Variants in NRP1 observed in about 807,000 individuals in gnomAD.
NRP1 encodes the protein neuropilin-1.
In NRP1, 35 loss-of-function variants were observed where a neutral mutation model predicts 106.7. The observed-to-expected ratio is 0.33, with a 90% CI of 0.25 to 0.43. The LOEUF is 0.43. Among genes scored for constraint, NRP1 ranks in the 20% least tolerant of loss-of-function variants. The pLI is 1.00. For synonymous variants in NRP1, 437 were observed against 417.9 expected (o/e 1.05, Z -0.56); for missense variants, 1,024 against 1,170.4 (o/e 0.87, Z 1.83).
chr10:33,186,530 T>C (rs1389150373), intron 13 of NRP1, 42 bp from the exon 14 acceptor site: 2 of 1,561,832 alleles, frequency 1.3e-6, no homozygotes, highest in Admixed American at 3.6e-5. Flanking sequence ...TGGCCAGGAT[T>C]ACCACACTTT....
At chr10:33,324,004 A>G (rs188303805) in intron 2 of NRP1, among the ~76,000 whole-genome samples, 2 of 152,202 alleles carry the variant, frequency 1.3e-5, no homozygotes, top group African/African-American at 4.8e-5. Flanking sequence ...GTCTGATAAG[A>G]TTTCAACCAA....
chr10:33,308,990 AAAGT>A (rs1210256904), intron 2 of NRP1, among the ~76,000 whole-genome samples: 1 of 152,218 alleles, frequency 6.6e-6, no homozygotes, highest in Non-Finnish European at 1.5e-5. Context: ...AGCCCCAAAT[AAAGT>A]TAGTACCCAT....
At chr10:33,262,940 G>C (rs1027798694) in intron 4 of NRP1, among the ~76,000 whole-genome samples, 1 of 152,150 alleles carries the variant, frequency 6.6e-6, no homozygotes, top group Non-Finnish European at 1.5e-5. Flanking sequence ...CCAAAGGGCA[G>C]CATCTTTCAT....
chr10:33,330,452 G>C (rs1418059798), intron 2 of NRP1, among the ~76,000 whole-genome samples: 3 of 151,154 alleles, frequency 2.0e-5, no homozygotes, highest in African/African-American at 7.3e-5. Flanking sequence ...TTCTTAACAA[G>C]AGTTCCCAAA....
intron 4 of NRP1, among the ~76,000 whole-genome samples, chr10:33,262,251 A>G (rs188356910): frequency 7.9e-5 from 12 of 152,288 alleles, no homozygotes; most frequent in Admixed American, 2.0e-4. Context: ...TTAACAAATT[A>G]TTGGATATTA....
chr10:33,323,050 G>A (rs1219602846), intron 2 of NRP1, among the ~76,000 whole-genome samples: 1 of 151,976 alleles, frequency 6.6e-6, no homozygotes, highest in Non-Finnish European at 1.5e-5. Context: ...CCCCATAATG[G>A]GCACATATTG....
In NRP1 at chr10:33,269,001, C is replaced by T. The variant is rs540623174; in HGVS notation, c.430+1674G>A. Among the ~76,000 whole-genome samples the T allele has an allele frequency of 4.6e-5, 7 of 152,278 alleles. No homozygotes were observed. The East Asian group carries it at 1.4e-3, about 29-fold the overall frequency. Reference sequence around the variant, plus strand: ...GTTTCCTGGATCCCCAACAACTCCCCTTTACATTTTTCTCAGTTATCATGA... The same window carrying T: ...GTTTCCTGGATCCCCAACAACTCCCTTTTACATTTTTCTCAGTTATCATGA... On this transcript the variant is annotated intron_variant, in intron 3 of 16. Coordinates refer to ENST00000374867, the MANE Select transcript of NRP1 (RefSeq NM_003873.7).
chr10:33,253,243 G>C (rs1841985358), intron 6 of NRP1, among the ~76,000 whole-genome samples: 1 of 152,186 alleles, frequency 6.6e-6, no homozygotes, highest in Non-Finnish European at 1.5e-5. Context: ...CAGATATCAA[G>C]GTTGGGCAAG....
chr10:33,183,751 G>A (rs867906449), intron 15 of NRP1, among the ~76,000 whole-genome samples: 6 of 152,162 alleles, frequency 3.9e-5, no homozygotes, highest in Non-Finnish European at 8.8e-5. Context: ...TTAATAAATA[G>A]TTGATAATCT....
At chr10:33,183,332 AT>A (rs1299573202) in intron 15 of NRP1, among the ~76,000 whole-genome samples, 2 of 150,422 alleles carry the variant, frequency 1.3e-5, no homozygotes, top group East Asian at 1.9e-4. Flanking sequence ...ACAACAACAA[AT>A]TTAAAAAAAA....
chr10:33,196,185 C>A (rs780038649), intron 12 of NRP1, among the ~76,000 whole-genome samples: 9 of 151,890 alleles, frequency 5.9e-5, no homozygotes, highest in Non-Finnish European at 1.3e-4. Context: ...TTTAACGATC[C>A]CTACCCCCTT....
chr10:33,262,124 C>T (rs1010482140), intron 4 of NRP1, among the ~76,000 whole-genome samples: 2 of 152,182 alleles, frequency 1.3e-5, no homozygotes, highest in African/African-American at 4.8e-5. Context: ...TTATACATCT[C>T]CTAACTCCAT....
intron 6 of NRP1, among the ~76,000 whole-genome samples, chr10:33,227,857 A>T (rs559629293): frequency 1.6e-4 from 24 of 152,104 alleles, no homozygotes; most frequent in Non-Finnish European, 1.5e-5. Flanking sequence ...CTGGGCCCTC[A>T]TTTGTAAAAT....
At chr10:33,326,220 T>C (rs1847880969) in intron 2 of NRP1, among the ~76,000 whole-genome samples, 2 of 152,230 alleles carry the variant, frequency 1.3e-5, no homozygotes, top group Admixed American at 1.3e-4. Context: ...ATGACATTCT[T>C]GTTTATTATA....
chr10:33,272,718 G>A (rs1052903230), intron 2 of NRP1, among the ~76,000 whole-genome samples: 1 of 151,946 alleles, frequency 6.6e-6, no homozygotes, highest in Non-Finnish European at 1.5e-5. Flanking sequence ...TGCATGTTTC[G>A]CCCCACGCTT....
At chr10:33,298,778 G>A (rs1478062985) in intron 2 of NRP1, among the ~76,000 whole-genome samples, 1 of 151,966 alleles carries the variant, frequency 6.6e-6, no homozygotes, top group Non-Finnish European at 1.5e-5. Context: ...TACTTGTGGC[G>A]ATTAAAGATT....
chr10:33,265,667 C>T (rs1052706870), intron 3 of NRP1, among the ~76,000 whole-genome samples: 22 of 152,126 alleles, frequency 1.4e-4, no homozygotes, highest in African/African-American at 4.8e-4. Flanking sequence ...TTAGATGGGC[C>T]CAGTAAACCT....
chr10:33,204,481 G>C (rs546769240), intron 10 of NRP1, among the ~76,000 whole-genome samples: 1 of 152,336 alleles, frequency 6.6e-6, no homozygotes, highest in East Asian at 1.9e-4. Context: ...TGGCAAGCCA[G>C]ATAGTTGTCT....
At chr10:33,314,287 C>T (rs1436836827) in intron 2 of NRP1, among the ~76,000 whole-genome samples, 1 of 152,100 alleles carries the variant, frequency 6.6e-6, no homozygotes, top group East Asian at 1.9e-4. Flanking sequence ...CGGTATTGCC[C>T]AGGCTGTTCT....
Sources: allele counts gnomAD v4.1 joint callset (sites outside exome capture counted in the v4.1 genomes callset), GRCh38; gene constraint gnomAD v4.1.1; transcripts MANE v1.5; gene names NCBI Gene and HGNC (gene_info 2026-07-23, HGNC 2026-07-21).